Variants in MYRIP observed in about 807,000 individuals in gnomAD.
MYRIP encodes the protein myosin VIIA and Rab interacting protein.
MYRIP carries 49 observed loss-of-function variants against 98.0 expected under a neutral mutation model. The ratio of observed to expected loss-of-function variants is 0.50; its 90% CI spans 0.40 to 0.63. The LOEUF (loss-of-function observed/expected upper bound fraction) is 0.63. MYRIP is among the 30% of genes least tolerant of loss of function. The pLI is 0.00. For missense variants in MYRIP, 1,004 were observed against 1,058.2 expected, an observed-to-expected ratio of 0.95 and a Z score of 0.71; for synonymous variants, 404 against 409.5, an observed-to-expected ratio of 0.99 and a Z score of 0.16.
intron 11 of MYRIP, among the ~76,000 whole-genome samples, chr3:40,222,149 A>G (rs1478107528): frequency 6.6e-6 from 1 of 152,224 alleles, no homozygotes; most frequent in African/African-American, 2.4e-5. Flanking sequence ...CTTGCACAGC[A>G]AGGCTACCCC....
intron 2 of MYRIP, among the ~76,000 whole-genome samples, chr3:40,038,256 ATG>A (rs1164314138): frequency 6.6e-6 from 1 of 152,202 alleles, no homozygotes; most frequent in Non-Finnish European, 1.5e-5. Flanking sequence ...AACAAAAATG[ATG>A]TGTTGAGAGA....
chr3:40,016,081 C>T (rs1285164661), intron 2 of MYRIP, among the ~76,000 whole-genome samples: 4 of 152,138 alleles, frequency 2.6e-5, no homozygotes, highest in Middle Eastern at 3.4e-3. Context: ...CTCTGTCTAC[C>T]GGCCTCACAG....
At chr3:39,933,640 A>G in intron 2 of MYRIP, among the ~76,000 whole-genome samples, 1 of 152,224 alleles carries the variant, frequency 6.6e-6, no homozygotes, top group East Asian at 1.9e-4. Context: ...ACATCTCATA[A>G]ACTTGACCTT....
At chr3:40,091,401 G>A (rs770866265) in intron 3 of MYRIP, among the ~76,000 whole-genome samples, 36 of 151,582 alleles carry the variant, frequency 2.4e-4, no homozygotes, top group African/African-American at 7.7e-4. Context: ...GAGTAGAAGA[G>A]GGTCTGGCTA....
At chr3:39,837,565 A>G (rs1053424558) in intron 1 of MYRIP, among the ~76,000 whole-genome samples, 6 of 152,020 alleles carry the variant, frequency 3.9e-5, no homozygotes, top group African/African-American at 1.5e-4. Context: ...GTTCTGTTCC[A>G]TTGGTCTATA....
intron 2 of MYRIP, among the ~76,000 whole-genome samples, chr3:39,979,306 A>C (rs1029032091): frequency 3.3e-5 from 5 of 152,072 alleles, no homozygotes; most frequent in African/African-American, 1.2e-4. Flanking sequence ...ATTTTTAATG[A>C]GTTTGTCCCT....
At chr3:40,244,141 G>A (rs1477746146) in intron 12 of MYRIP, among the ~76,000 whole-genome samples, 1 of 152,094 alleles carries the variant, frequency 6.6e-6, no homozygotes, top group Non-Finnish European at 1.5e-5. Flanking sequence ...TATAGTCACT[G>A]GACCAATACA....
intron 3 of MYRIP, among the ~76,000 whole-genome samples, chr3:40,119,860 T>C (rs1358596230): frequency 1.3e-5 from 2 of 152,004 alleles, no homozygotes; most frequent in Non-Finnish European, 1.5e-5. Context: ...GGCACATGTA[T>C]ACATATGTAA....
intron 3 of MYRIP, among the ~76,000 whole-genome samples, chr3:40,148,380 CCT>C (rs1204325728): frequency 6.6e-6 from 1 of 151,860 alleles, no homozygotes; most frequent in African/African-American, 2.4e-5. Context: ...GATTTTTTCC[CCT>C]CTTTCATTTT....
At chr3:39,812,380 C>G (rs949644932) in intron 1 of MYRIP, among the ~76,000 whole-genome samples, 1 of 152,072 alleles carries the variant, frequency 6.6e-6, no homozygotes, top group African/African-American at 2.4e-5. Flanking sequence ...TAAGCCAGTA[C>G]AGAAAAATAG....
chr3:39,917,257 A>G (rs1490969456), intron 2 of MYRIP, among the ~76,000 whole-genome samples: 7 of 151,938 alleles, frequency 4.6e-5, no homozygotes, highest in Admixed American at 2.0e-4. Flanking sequence ...GACTTATGTA[A>G]CAAGTCACTT....
chr3:40,053,137 C>T lies in MYRIP; in HGVS notation c.332+8866C>T, dbSNP rs530030534. 1.2e-3 allele frequency among the ~76,000 whole-genome samples: 176 copies of T among 152,280 alleles called. 2 individuals are homozygous for T. The South Asian group carries it at 0.034, about 29-fold the overall frequency. The stretch of plus-strand genomic sequence containing the variant: ...TAGGACTTGCTCCCTTCTCTCTTCC[C>T]CATTCCAAAATCCTCTCCTTTATCA... On this transcript the variant is annotated intron_variant, in intron 3 of 16. Transcript: ENST00000302541.
intron 10 of MYRIP, among the ~76,000 whole-genome samples, chr3:40,204,052 AT>A (rs1372986281): frequency 2.7e-4 from 2 of 7,392 alleles, no homozygotes; most frequent in African/African-American, 5.9e-4. Context: ...TATATAATAT[AT>A]TTATATATAA....
chr3:39,964,944 A>C (rs903926881), intron 2 of MYRIP, among the ~76,000 whole-genome samples: 2 of 152,114 alleles, frequency 1.3e-5, no homozygotes, highest in African/African-American at 4.8e-5. Context: ...TTTGAAAGGA[A>C]ACTAGAAATC....
chr3:40,252,050 C>A, intron 16 of MYRIP, 51 bp downstream of exon 16: 1 of 1,348,784 alleles, frequency 7.4e-7, no homozygotes, highest in Non-Finnish European at 1.1e-6. Flanking sequence ...TTGATGGTAC[C>A]TCCACTCTGC....
intron 13 of MYRIP, chr3:40,248,391 C>CTTGGCT (rs1953269563): frequency 6.6e-6 from 1 of 152,232 alleles, no homozygotes; most frequent in African/African-American, 2.4e-5. Context: ...ACATGGAGCT[C>CTTGGCT]TTGGCTTTGG....
chr3:40,236,520 T>C (rs556079115), intron 12 of MYRIP, among the ~76,000 whole-genome samples: 1 of 152,330 alleles, frequency 6.6e-6, no homozygotes, highest in African/African-American at 2.4e-5. Flanking sequence ...AACAGGTATA[T>C]TTGCTAGTAA....
rs1248349951 is a variant in MYRIP, at chr3:40,218,598, CATATATATATATTTTATATAT to C, written c.1905+8518_1905+8538del. Among the ~76,000 whole-genome samples the C allele has an allele frequency of 7.9e-3, 112 of 14,228 alleles. 3 individuals carry two copies. Among genetic ancestry groups the C allele is most frequent in the South Asian group, 0.012 (4 of 328 alleles). 9.3% of individuals were successfully genotyped at this position (14,228 alleles called of 152,430 possible). The stretch of plus-strand genomic sequence containing the variant: ...ACACATTTACACACACACACACACA[CATATATATATATTTTATATAT>C]ATATATATATATATATATATATATA... On this transcript the variant is annotated intron_variant, in intron 11 of 16. Transcript: ENST00000302541.
intron 12 of MYRIP, chr3:40,242,053 GAACT>G (rs368988605): frequency 6.6e-6 from 1 of 152,122 alleles, no homozygotes. Flanking sequence ...AAAGGCAAGG[GAACT>G]AGCTTCAGCC....
Sources: allele counts gnomAD v4.1 joint callset (sites outside exome capture counted in the v4.1 genomes callset), GRCh38; gene constraint gnomAD v4.1.1; transcripts MANE v1.5; gene names NCBI Gene and HGNC (gene_info 2026-07-23, HGNC 2026-07-21).